The following TRAPPC11 variants were observed in gnomAD, a reference collection of about 807,000 sequenced individuals.
TRAPPC11 encodes the protein trafficking protein particle complex subunit 11.
A neutral mutation model predicts 151.2 loss-of-function variants in TRAPPC11; 104 were observed. That is an observed-to-expected ratio of 0.69 (90% CI 0.59 to 0.81). TRAPPC11 has a LOEUF of 0.81. Among genes scored for constraint, TRAPPC11 ranks in the 30% least tolerant of loss-of-function variants. TRAPPC11 has a pLI of 0.00. For missense variants in TRAPPC11, 1,230 were observed against 1,349.6 expected (o/e 0.91, Z 1.39); for synonymous variants, 456 against 472.3 (o/e 0.97, Z 0.45).
intron 23 of TRAPPC11, among the ~76,000 whole-genome samples, chr4:183,696,698 C>G (rs543652178): frequency 2.0e-4 from 30 of 152,146 alleles, no homozygotes; most frequent in Non-Finnish European, 3.8e-4. Context: ...CCCACCCCCC[C>G]ATTGTTTTTC....
At position 183,684,306 on chromosome 4, in the gene TRAPPC11, G is replaced by A. The variant is rs766548385; in HGVS notation, c.1368G>A (p.Met456Ile). The A allele has an allele frequency of 1.9e-6, 3 of 1,613,604 alleles. No homozygotes were observed. The Admixed American group carries it at 5.0e-5, about 27-fold the overall frequency. The change falls in exon 14 of 30, where the codon ATG becomes ATA. Residue 456 changes from methionine (M) to isoleucine (I), a missense_variant and splice_region_variant. Transcript: ENST00000334690. ...YKCPRMKSHL[M>I]VQMGEEYYYA... ...CATAAATCTTTTTTTCCTTTATAGT[G>A]GTTCAGATGGGAGAGGAATATTATT...
intron 25 of TRAPPC11, among the ~76,000 whole-genome samples, chr4:183,699,238 G>A (rs920724124): frequency 6.6e-6 from 1 of 152,260 alleles, no homozygotes; most frequent in East Asian, 1.9e-4. Flanking sequence ...GAACTTTTGT[G>A]TAAAACCTTC....
At chr4:183,692,251 A>G (rs940439370) in intron 19 of TRAPPC11, among the ~76,000 whole-genome samples, 2 of 152,104 alleles carry the variant, frequency 1.3e-5, no homozygotes, top group African/African-American at 4.8e-5. Flanking sequence ...CTTGAATGGG[A>G]ATGGTTAGCT....
intron 28 of TRAPPC11, among the ~76,000 whole-genome samples, chr4:183,707,866 T>C (rs1169880855): frequency 6.6e-6 from 1 of 152,228 alleles, no homozygotes; most frequent in Non-Finnish European, 1.5e-5. Context: ...ATAAAGATGC[T>C]AAAATCTTAC....
intron 29 of TRAPPC11, among the ~76,000 whole-genome samples, chr4:183,710,104 G>T (rs1737268156): frequency 6.6e-6 from 1 of 152,136 alleles, no homozygotes; most frequent in Non-Finnish European, 1.5e-5. Context: ...TGAAATACTA[G>T]AGTAACTAAT....
Position 183,679,386 on chromosome 4 carries a change from T to C in TRAPPC11, c.865T>C (p.Leu289=). The change falls in exon 9 of 30, where the codon TTG becomes CTG. Residue 289 remains leucine, a synonymous_variant. Transcript: ENST00000334690. The part of the protein sequence containing the change: ...CRLCFQHNTP[L]DAIAQFRKHI... ...GCTGTGTTTTCAACACAACACCCCA[T>C]TGGATGCAATTGCTCAGTTCCGAAA... 1 of 1,612,306 alleles carries C rather than the reference T, an allele frequency of 6.2e-7. No individual in the cohort carries two copies. Among genetic ancestry groups the C allele is most frequent in the Non-Finnish European group, 8.5e-7 (1 of 1,179,280 alleles).
intron 27 of TRAPPC11, chr4:183,706,100 C>CACACACACACA (rs1161888168): frequency 1.5e-5 from 2 of 135,190 alleles, no homozygotes; most frequent in African/African-American, 5.3e-5. Flanking sequence ...ACACACACAC[C>CACACACACACA]CACCAAACAA....
intron 5 of TRAPPC11, among the ~76,000 whole-genome samples, chr4:183,668,427 A>G (rs1195675113): frequency 1.3e-5 from 2 of 152,244 alleles, no homozygotes; most frequent in Non-Finnish European, 2.9e-5. Context: ...ATGTGCTCAT[A>G]TGATACACAG....
At position 183,675,252 on chromosome 4, in the gene TRAPPC11, C is replaced by T. The variant is rs751227793; in HGVS notation, c.734+15C>T. 7.5e-6 allele frequency: 11 copies of T among 1,472,196 alleles called. No homozygotes were observed. The African/African-American group carries it at 1.4e-4, about 19-fold the overall frequency. The allele number at this position is 1,472,196 out of a possible 1,614,324, so 91.2% of individuals were successfully genotyped here. On this transcript the variant is annotated intron_variant, in intron 7 of 29. Transcript: ENST00000334690. ...AATGCGCTGAAGTAAGTTAAGCTTT[C>T]AAACTAAATGTTTCCTATTTTTATA...
intron 27 of TRAPPC11, among the ~76,000 whole-genome samples, 160 bp downstream of exon 27, chr4:183,705,230 C>T (rs1386489866): frequency 6.6e-6 from 1 of 152,126 alleles, no homozygotes; most frequent in East Asian, 1.9e-4. Context: ...TCTACACACT[C>T]CTCCTACCCC....
At chr4:183,666,816 G>C in intron 3 of TRAPPC11, 1 of 458,888 alleles carries the variant, frequency 2.2e-6, no homozygotes, top group Non-Finnish European at 3.9e-6. Flanking sequence ...TTACGTAAAA[G>C]TATACATTAA....
Position 183,664,088 on chromosome 4 carries a change from G to C in TRAPPC11, c.204+17G>C, listed in dbSNP as rs200658266. ...AGACCCAAGGTAATGGCATTGTGATGGCATGTGTTCTTTCCTTCTCTCTCT... is the reference window on the plus strand; with the variant it reads ...AGACCCAAGGTAATGGCATTGTGATCGCATGTGTTCTTTCCTTCTCTCTCT... On this transcript the variant is annotated intron_variant, in intron 2 of 29. Transcript: ENST00000334690. 1 of 1,598,742 alleles carries C rather than the reference G, an allele frequency of 6.3e-7. No homozygotes were observed.
At chr4:183,712,535 G>T (rs368907344) in intron 29 of TRAPPC11, 65 bp from the exon 30 acceptor site, 2 of 1,452,208 alleles carry the variant, frequency 1.4e-6, no homozygotes, top group African/African-American at 2.8e-5. Context: ...AATCCTTCCA[G>T]TTAATAGAGC....
intron 17 of TRAPPC11, among the ~76,000 whole-genome samples, chr4:183,686,032 G>A (rs555288437): frequency 3.9e-5 from 6 of 152,212 alleles, no homozygotes; most frequent in African/African-American, 1.4e-4. Flanking sequence ...GAGATGGGGT[G>A]TCACCATGTT....
chr4:183,687,886 G>A (rs1736068877), intron 18 of TRAPPC11, among the ~76,000 whole-genome samples: 1 of 152,106 alleles, frequency 6.6e-6, no homozygotes, highest in African/African-American at 2.4e-5. Flanking sequence ...GAATAACCTA[G>A]ACATTTTCTG....
rs1737100573 is a variant in TRAPPC11, at chr4:183,706,888, T to C, written c.3137T>C (p.Val1046Ala). ...AATAAGACCGACTTAGTTCAAGATG[T>C]AGAAATTTCTGTGGAGCCCAGTGAT... ...LQNKTDLVQDVEISVEPSDAF... is the reference protein window; with the variant it reads ...LQNKTDLVQDAEISVEPSDAF... Residue 1046 changes from valine to alanine, a missense_variant, in exon 28 of 30, where the codon GTA becomes GCA. Physicochemically the swap from Val to Ala is moderately conservative, Grantham distance 64 (BLOSUM62 0). Transcript: ENST00000334690. 6.2e-7 allele frequency: 1 copy of C among 1,614,196 alleles called. No homozygotes were observed. Among genetic ancestry groups the C allele is most frequent in the Non-Finnish European group, 8.5e-7 (1 of 1,180,042 alleles).
chr4:183,708,645 A>T (rs926310359), intron 29 of TRAPPC11, 71 bp downstream of exon 29: 73 of 1,387,766 alleles, frequency 5.3e-5, no homozygotes, highest in Non-Finnish European at 7.1e-5. Flanking sequence ...TTTCATGTAA[A>T]CTTCACTGAA....
chr4:183,670,873 C>T (rs1294059293), intron 5 of TRAPPC11, among the ~76,000 whole-genome samples: 19 of 152,120 alleles, frequency 1.2e-4, no homozygotes, highest in Admixed American at 1.2e-3. Context: ...GCAACCTCTG[C>T]CCCCCAGATT....
chr4:183,676,831 C>G (rs887266773), intron 7 of TRAPPC11, among the ~76,000 whole-genome samples: 1 of 152,212 alleles, frequency 6.6e-6, no homozygotes, highest in African/African-American at 2.4e-5. Context: ...GTGGCACGAT[C>G]TCAGCTCACT....
Sources: allele counts gnomAD v4.1 joint callset (sites outside exome capture counted in the v4.1 genomes callset), GRCh38; gene constraint gnomAD v4.1.1; transcripts MANE v1.5; gene names NCBI Gene and HGNC (gene_info 2026-07-23, HGNC 2026-07-21).